The following RELA variants were observed in gnomAD, a reference collection of about 807,000 sequenced individuals.
RELA encodes the protein transcription factor p65.
RELA carries 14 observed loss-of-function variants against 56.7 expected under a neutral mutation model. The observed-to-expected ratio is 0.25, with a 90% CI of 0.16 to 0.39. The LOEUF (loss-of-function observed/expected upper bound fraction) is 0.39, where lower values mean the gene tolerates loss of function less well. Ranked by LOEUF, RELA falls within the 10% of genes least tolerant of loss-of-function variation. The pLI is 1.00. For synonymous variants in RELA, 315 were observed against 289.7 expected (o/e 1.09, Z -0.89); for missense variants, 559 against 736.4 (o/e 0.76, Z 2.79).
chr11:65,662,434 ATCAGG>A (rs1289413228), intron 1 of RELA: 9 of 535,736 alleles, frequency 1.7e-5, no homozygotes, highest in Non-Finnish European at 2.9e-5. Flanking sequence ...GGGAAGCTGA[ATCAGG>A]GCCTGTTGTA....
In RELA at chr11:65,658,223, G is replaced by A. The variant is rs901015565; in HGVS notation, c.877+64C>T. 38 of 1,297,180 alleles carry A rather than the reference G, an allele frequency of 2.9e-5. No individual in the cohort carries two copies. In the African/African-American group the frequency reaches 3.8e-4, roughly 13 times the overall value. 80.4% of individuals were successfully genotyped at this position (1,297,180 alleles called of 1,614,324 possible). The stretch of plus-strand genomic sequence containing the variant: ...CCTCAACCACAGCCCCAGACATGCA[G>A]TCTTGGCCTCTCTCTCACGGCACAG... On this transcript the variant is annotated intron_variant, in intron 8 of 10. Coordinates refer to ENST00000406246, the MANE Select transcript of RELA (RefSeq NM_021975.4). The surrounding 1 kb of genome is among the most constrained non-coding windows in gnomAD (Gnocchi z 4.5).
chr11:65,655,987 G>A (rs1449295503), intron 8 of RELA, 52 bp from the exon 9 acceptor site: 11 of 1,510,856 alleles, frequency 7.3e-6, no homozygotes, highest in East Asian at 6.8e-5. Flanking sequence ...GTGGGTCCCC[G>A]ACGCTCTCAA....
intron 10 of RELA, 44 bp downstream of exon 10, chr11:65,655,644 A>C: frequency 6.4e-7 from 1 of 1,567,756 alleles, no homozygotes; most frequent in South Asian, 1.1e-5. Context: ...TCAGCTGAAC[A>C]GAGCTGAACC....
chr11:65,656,373 T>C (rs1565189267), intron 8 of RELA, among the ~76,000 whole-genome samples: 1 of 152,210 alleles, frequency 6.6e-6, no homozygotes, highest in African/African-American at 2.4e-5. Context: ...TTTCATATTT[T>C]AGTCAGAGCT....
At chr11:65,659,561 G>A (rs899361853) in intron 6 of RELA, 105 bp downstream of exon 6, 12 of 1,403,012 alleles carry the variant, frequency 8.6e-6, no homozygotes, top group African/African-American at 5.7e-5. Flanking sequence ...TACGCAAGAT[G>A]ATTGAATGAA....
In RELA at chr11:65,658,848, T is replaced by C. The variant is rs11568298; in HGVS notation, c.560-26A>G. On this transcript the variant is annotated intron_variant, in intron 6 of 10. Transcript: ENST00000406246. The surrounding 1 kb of genome is among the most constrained non-coding windows in gnomAD (Gnocchi z 4.5). Reference sequence around the variant, plus strand: ...CTGAGGCAGTGAAAACAAGGGAGGATGACCTGAGCCACGAGAGGTCCCCAG... The same window carrying C: ...CTGAGGCAGTGAAAACAAGGGAGGACGACCTGAGCCACGAGAGGTCCCCAG... 3.0e-3 allele frequency: 4,870 copies of C among 1,601,088 alleles called. 121 individuals carry two copies. The African/African-American group carries it at 0.055, about 18-fold the overall frequency.
Position 65,658,528 on chromosome 11 carries a change from C to A in RELA, c.665-29G>T. 3 of 1,552,750 alleles carry A rather than the reference C, an allele frequency of 1.9e-6. No homozygotes were observed. The South Asian group carries it at 3.5e-5, about 18-fold the overall frequency. On this transcript the variant is annotated intron_variant, in intron 7 of 10. Coordinates refer to ENST00000406246, the MANE Select transcript of RELA (RefSeq NM_021975.4). The surrounding 1 kb of genome is among the most constrained non-coding windows in gnomAD (Gnocchi z 4.5). ...CAGGAGATGCGGTGGCAGTGTGGGT[C>A]AGTGTGTCTAACCCTCCATGGTCTC...
chr11:65,655,897 A>G lies in RELA; in HGVS notation c.916T>C (p.Tyr306His). Residue 306 changes from tyrosine to histidine, a missense_variant, in exon 9 of 11, where the codon TAT becomes CAT. By Grantham distance (83) the Tyr-to-His change is moderately conservative. Coordinates refer to ENST00000406246, the MANE Select transcript of RELA (RefSeq NM_021975.4). ...TTCATGATGCTCTTGAAGGTCTCAT[A>G]TGTCCTTTTACGTTTCTCCTCAATC... ...HRIEEKRKRT[Y>H]ETFKSIMKKS... 6.2e-7 allele frequency: 1 copy of G among 1,614,024 alleles called. No homozygotes were observed. The highest frequency in any genetic ancestry group is 1.1e-5 in the South Asian group (1 of 91,080).
intron 5 of RELA, 79 bp from the exon 6 acceptor site, chr11:65,659,876 C>T: frequency 1.3e-6 from 2 of 1,509,652 alleles, no homozygotes; most frequent in East Asian, 2.3e-5. Context: ...GAGCTCTGCG[C>T]TGGGAGGGCC....
rs190963196 is a variant in RELA at position 65,654,272 on chromosome 11, C to A, written c.*106G>T. On this transcript the variant is annotated 3_prime_UTR_variant, in exon 11 of 11. Coordinates refer to ENST00000406246, the MANE Select transcript of RELA (RefSeq NM_021975.4). ...CTCCCCCCTCCAAGGAAGACATCCA[C>A]AAAGTTGGGGGCAGTTGGAACACAC... The A allele has an allele frequency of 1.4e-6, 2 of 1,422,246 alleles. No homozygotes were observed. Among genetic ancestry groups the A allele is most frequent in the East Asian group, 4.7e-5 (2 of 43,004 alleles). 88.1% of individuals were successfully genotyped at this position (1,422,246 alleles called of 1,614,324 possible).
chr11:65,662,402 T>TA lies in RELA; in HGVS notation c.8-198dup, dbSNP rs2135574479. The TA allele has an allele frequency of 8.4e-6, 5 of 592,524 alleles. No homozygotes were observed. In the East Asian group the frequency reaches 1.6e-4, roughly 19 times the overall value. The allele number at this position is 592,524 out of a possible 1,614,324, so 36.7% of individuals were successfully genotyped here. Reference sequence around the variant, plus strand: ...ACCTGCTTCTTGAGGGAAAACGGGGTAAGGAATCCTTCTTCTCCAGAGGGA... The same window carrying TA: ...ACCTGCTTCTTGAGGGAAAACGGGGTAAAGGAATCCTTCTTCTCCAGAGGGA... On this transcript the variant is annotated intron_variant, in intron 1 of 10. Transcript: ENST00000406246.
At chr11:65,660,061 C>A in intron 5 of RELA, 63 bp downstream of exon 5, 1 of 1,499,502 alleles carries the variant, frequency 6.7e-7, no homozygotes, top group South Asian at 1.1e-5. Context: ...GAGGGAGATG[C>A]AGGAAAGGCG....
rs770531864 is a variant in RELA at position 65,658,374 on chromosome 11, C to T, written c.790G>A (p.Ala264Thr). ...AGCTGCATGGAGACACGCACAGGAG[C>T]CTGCAGGCTGGGGTCTGCGTAGGGA... is the stretch of plus-strand genomic sequence containing the variant. Reference protein sequence around the residue: ...TPPYADPSLQAPVRVSMQLRR... With the variant: ...TPPYADPSLQTPVRVSMQLRR... The change falls in exon 8 of 11, where the codon GCT becomes ACT. Residue 264 changes from alanine to threonine, a missense_variant. Transcript: ENST00000406246. This position sits in a 1 kb window ranked among gnomAD's most constrained non-coding sequence, Gnocchi z 4.5. 1.9e-6 allele frequency: 3 copies of T among 1,613,892 alleles called. No individual in the cohort carries two copies. The highest frequency in any genetic ancestry group is 1.1e-5 in the South Asian group (1 of 90,988).
At position 65,654,858 on chromosome 11, in the gene RELA, G is replaced by T. The variant is rs1424340926; in HGVS notation, c.1176C>A (p.Ala392=). The T allele has an allele frequency of 1.9e-6, 3 of 1,565,782 alleles. No homozygotes were observed. Among genetic ancestry groups the T allele is most frequent in the Non-Finnish European group, 2.6e-6 (3 of 1,152,798 alleles). The change falls in exon 11 of 11, where the codon GCC becomes GCA. Residue 392 remains alanine, a synonymous_variant. Transcript: ENST00000406246. ...ATACCATGGCTGGAGCAGGGGCAGG[G>T]GCTGGAGCCTGGGGCAGGACTTGGG... is the stretch of plus-strand genomic sequence containing the variant. ...APPQVLPQAP[A]PAPAPAMVSA...
intron 10 of RELA, 78 bp downstream of exon 10, chr11:65,655,610 A>G: frequency 3.6e-6 from 5 of 1,398,146 alleles, no homozygotes; most frequent in Non-Finnish European, 5.0e-6. Flanking sequence ...AATGGGGCCC[A>G]GGAGTCTTCA....
chr11:65,655,598 G>A (rs1219001993), intron 10 of RELA, 90 bp downstream of exon 10: 1 of 1,291,948 alleles, frequency 7.7e-7, no homozygotes, highest in Non-Finnish European at 1.1e-6. Context: ...CAGTAGGTCT[G>A]TAATGGGGCC....
intron 6 of RELA, 115 bp downstream of exon 6, chr11:65,659,551 T>TA: frequency 7.5e-7 from 1 of 1,325,222 alleles, no homozygotes; most frequent in South Asian, 1.3e-5. Context: ...AGTAGACAAA[T>TA]ACGCAAGATG....
chr11:65,662,739 G>A, intron 1 of RELA, 87 bp downstream of exon 1: 1 of 1,066,720 alleles, frequency 9.4e-7, no homozygotes, highest in Non-Finnish European at 1.2e-6. Flanking sequence ...GTCGGCGCAG[G>A]AAGGGGCGGA....
At position 65,654,333 on chromosome 11, in the gene RELA, A is replaced by G. The variant is rs528967001; in HGVS notation, c.*45T>C. ...TCCGTAAGTGCTTTTGGAGGGCTTC[A>G]ATCCCCTGCAACCCAGTGCTCTGGG... On this transcript the variant is annotated 3_prime_UTR_variant, in exon 11 of 11. Coordinates refer to ENST00000406246, the MANE Select transcript of RELA (RefSeq NM_021975.4). The G allele has an allele frequency of 6.2e-7, 1 of 1,613,342 alleles. No individual in the cohort carries two copies. The highest frequency in any genetic ancestry group is 1.3e-5 in the African/African-American group (1 of 75,070).
Sources: allele counts gnomAD v4.1 joint callset (sites outside exome capture counted in the v4.1 genomes callset), GRCh38; gene constraint gnomAD v4.1.1; non-coding constraint Gnocchi (gnomAD v3.1); transcripts MANE v1.5; gene names NCBI Gene and HGNC (gene_info 2026-07-23, HGNC 2026-07-21).